Variants in PIWIL2 observed in about 807,000 individuals in gnomAD.
PIWIL2 encodes the protein piwi-like protein 2.
Under a neutral mutation model 116.5 loss-of-function variants are expected in PIWIL2, and 81 were observed. The ratio of observed to expected loss-of-function variants is 0.70; its 90% CI spans 0.58 to 0.84. The LOEUF is 0.84. PIWIL2 is among the 40% of genes least tolerant of loss of function. The probability of loss-of-function intolerance (pLI) is 0.00; values close to 1 mark genes in which losing one functional copy is unlikely to be tolerated. For missense variants in PIWIL2, 1,272 were observed against 1,212.3 expected, an observed-to-expected ratio of 1.05 and a Z score of -0.73; for synonymous variants, 489 against 429.5, an observed-to-expected ratio of 1.14 and a Z score of -1.71.
At chr8:22,341,030 G>C (rs547425402) in intron 20 of PIWIL2, among the ~76,000 whole-genome samples, 40 of 152,218 alleles carry the variant, frequency 2.6e-4, no homozygotes, top group African/African-American at 9.4e-4. Context: ...TGTTCATAGA[G>C]CCTTTAGAGG....
chr8:22,341,218 A>G (rs1832100429), intron 20 of PIWIL2, among the ~76,000 whole-genome samples: 3 of 152,144 alleles, frequency 2.0e-5, no homozygotes, highest in Non-Finnish European at 2.9e-5. Flanking sequence ...AATGCAATCC[A>G]TCCATCAACA....
At chr8:22,337,923 G>A (rs553609431) in intron 20 of PIWIL2, among the ~76,000 whole-genome samples, 71 of 151,250 alleles carry the variant, frequency 4.7e-4, no homozygotes, top group Middle Eastern at 3.4e-3. Flanking sequence ...GCAAAACCCC[G>A]TCTCTACTAA....
At chr8:22,306,919 C>T (rs1419272681) in intron 13 of PIWIL2, among the ~76,000 whole-genome samples, 2 of 152,168 alleles carry the variant, frequency 1.3e-5, no homozygotes, top group Non-Finnish European at 2.9e-5. Flanking sequence ...ATTCATTCAT[C>T]TCAGAAGAAT....
At chr8:22,307,189 A>G (rs1043096265) in intron 13 of PIWIL2, among the ~76,000 whole-genome samples, 4 of 152,044 alleles carry the variant, frequency 2.6e-5, no homozygotes, top group African/African-American at 7.2e-5. Context: ...TTCTTTTTCA[A>G]TATTTGTTTT....
At chr8:22,311,714 G>A (rs1188318746) in intron 16 of PIWIL2, among the ~76,000 whole-genome samples, 1 of 152,114 alleles carries the variant, frequency 6.6e-6, no homozygotes, top group Non-Finnish European at 1.5e-5. Flanking sequence ...CATTGATTGG[G>A]TCCTGATGAC....
intron 10 of PIWIL2, among the ~76,000 whole-genome samples, chr8:22,302,831 G>C (rs945408067): frequency 3.9e-5 from 6 of 152,192 alleles, no homozygotes; most frequent in Non-Finnish European, 7.3e-5. Flanking sequence ...TGGTTTCCCA[G>C]TCAGCCAAGG....
At chr8:22,310,626 T>G (rs1160596939) in intron 15 of PIWIL2, among the ~76,000 whole-genome samples, 2 of 150,042 alleles carry the variant, frequency 1.3e-5, no homozygotes, top group African/African-American at 2.4e-5. Context: ...GAGTTTTTTT[T>G]TAATTAAATA....
At chr8:22,291,832 C>G (rs1048141903) in intron 10 of PIWIL2, among the ~76,000 whole-genome samples, 5 of 151,890 alleles carry the variant, frequency 3.3e-5, no homozygotes, top group Admixed American at 2.0e-4. Flanking sequence ...TCTGTTGTTA[C>G]CAGGGGAGAT....
chr8:22,314,357 C>A lies in PIWIL2; in HGVS notation c.2019C>A (p.Ile673=), dbSNP rs1831401888. The A allele has an allele frequency of 6.3e-7, 1 of 1,578,552 alleles. No homozygotes were observed. The highest frequency in any genetic ancestry group is 1.4e-5 in the African/African-American group (1 of 73,866). ...EGKIQMVVCI[I]MGPRDDLYGA... ...AGATACAGATGGTTGTTTGCATCAT[C>A]ATGGGCCCACGTGATGATCTCTATG... Residue 673 remains isoleucine, a synonymous_variant, in exon 17 of 23, where the codon ATC becomes ATA. Transcript: ENST00000356766.
Position 22,281,401 on chromosome 8 carries a change from T to G in PIWIL2, c.311T>G (p.Leu104Trp). ...PSGRGILGRG[L>W]SANLVRKDRE... ...GGTAGAGGCATTTTAGGTCGAGGCT[T>G]GTCTGCTAATCTGGTACGCAAGGAC... The change falls in exon 4 of 23, where the codon TTG becomes TGG. Residue 104 changes from leucine (L) to tryptophan (W), a missense_variant. Physicochemically the swap from Leu to Trp is moderately conservative, Grantham distance 61. Coordinates refer to ENST00000356766, the MANE Select transcript of PIWIL2 (RefSeq NM_018068.5). 1 of 1,609,474 alleles carries G rather than the reference T, an allele frequency of 6.2e-7. No homozygotes were observed. Among genetic ancestry groups the G allele is most frequent in the Non-Finnish European group, 8.5e-7 (1 of 1,179,032 alleles).
Position 22,287,615 on chromosome 8 carries a change from T to G in PIWIL2, c.831T>G (p.Ser277=), listed in dbSNP as rs1830659599. The stretch of plus-strand genomic sequence containing the variant: ...GCAACGTCACTGCGTTTGATGGATC[T>G]ATTCTCTATCTGCCTGTTAAGCTTC... ...VTGNVTAFDG[S]ILYLPVKLQQ... Residue 277 remains serine, a synonymous_variant, in exon 7 of 23, where the codon TCT becomes TCG. Transcript: ENST00000356766. The G allele has an allele frequency of 6.2e-7, 1 of 1,611,066 alleles. No individual in the cohort carries two copies. The highest frequency in any genetic ancestry group is 1.3e-5 in the African/African-American group (1 of 75,008).
At chr8:22,353,816 C>T (rs1234904628) in intron 21 of PIWIL2, among the ~76,000 whole-genome samples, 2 of 107,478 alleles carry the variant, frequency 1.9e-5, no homozygotes, top group Non-Finnish European at 3.4e-5. Flanking sequence ...GCTTTGTTGT[C>T]CAGGGTGGAG....
intron 10 of PIWIL2, among the ~76,000 whole-genome samples, chr8:22,293,687 T>A (rs557372701): frequency 1.3e-5 from 2 of 152,368 alleles, no homozygotes; most frequent in Non-Finnish European, 2.9e-5. Context: ...ATCATGGTTG[T>A]CTCTGTACTA....
At chr8:22,321,253 G>A (rs563998601) in intron 20 of PIWIL2, among the ~76,000 whole-genome samples, 1 of 151,958 alleles carries the variant, frequency 6.6e-6, no homozygotes, top group South Asian at 2.1e-4. Context: ...AGGGACTACA[G>A]GCATATGCCA....
chr8:22,340,092 G>A (rs1390726686), intron 20 of PIWIL2, among the ~76,000 whole-genome samples: 1 of 89,258 alleles, frequency 1.1e-5, no homozygotes, highest in Non-Finnish European at 2.0e-5. Context: ...CACTCTTGTT[G>A]CCCAGGCTGA....
Position 22,305,172 on chromosome 8 carries a change from C to CATTTATTTATTTATTTATTT in PIWIL2, c.1455+325_1455+344dup, listed in dbSNP as rs10669583. On this transcript the variant is annotated intron_variant, in intron 12 of 22. Transcript: ENST00000356766. ...ATCCATGAGGAAAGGTATAGATATT[C>CATTTATTTATTTATTTATTT]ATTTATTTATTTATTTATTTATTTA... 1.0e-3 allele frequency among the ~76,000 whole-genome samples: 144 copies of CATTTATTTATTTATTTATTT among 143,940 alleles called. 1 individual carries two copies. Among genetic ancestry groups the CATTTATTTATTTATTTATTT allele is most frequent in the East Asian group, 4.3e-3 (21 of 4,860 alleles). 94.4% of individuals were successfully genotyped at this position (143,940 alleles called of 152,430 possible).
At chr8:22,317,381 A>G (rs947642156) in intron 19 of PIWIL2, among the ~76,000 whole-genome samples, 5 of 151,822 alleles carry the variant, frequency 3.3e-5, no homozygotes, top group Non-Finnish European at 5.9e-5. Flanking sequence ...CATGTGATAT[A>G]TATCTCTGAA....
intron 6 of PIWIL2, among the ~76,000 whole-genome samples, chr8:22,286,253 A>G (rs1396697170): frequency 6.6e-6 from 1 of 152,268 alleles, no homozygotes; most frequent in Admixed American, 6.5e-5. Flanking sequence ...TGAAAAGCAC[A>G]AAGGAGGGCA....
rs6984611 is a variant in PIWIL2, at chr8:22,326,725, G to A, written c.2403+8450G>A. On this transcript the variant is annotated intron_variant, in intron 20 of 22. Transcript: ENST00000356766. ...TTCCATTGTATTTATTCCACGATTT[G>A]TTGATCCTTTCACTTGTTGATAAAC... Among the ~76,000 whole-genome samples, 65 of 152,122 alleles carry A rather than the reference G, an allele frequency of 4.3e-4. 1 individual carries two copies. The highest frequency in any genetic ancestry group is 1.5e-3 in the African/African-American group (64 of 41,490).
Sources: gnomAD v4.1 joint callset for allele counts (sites outside exome capture counted in the v4.1 genomes callset) on GRCh38, gnomAD v4.1.1 for gene constraint, MANE v1.5 for transcripts, NCBI Gene and HGNC (gene_info 2026-07-23, HGNC 2026-07-21) for gene names.